The following ZNG1E variants were observed in gnomAD, a reference collection of about 807,000 sequenced individuals.
The protein encoded by ZNG1E is zinc-regulated GTPase metalloprotein activator 1E.
chr9:65,698,859 G>T, the ZNG1E span, among the ~76,000 whole-genome samples: 5 of 140,330 alleles, frequency 3.6e-5, no homozygotes, highest in South Asian at 1.1e-3. Context: ...ATTTCTTTGG[G>T]ATTGAAGATT....
chr9:65,725,559 T>A, the ZNG1E span, among the ~76,000 whole-genome samples: 1 of 124,584 alleles, frequency 8.0e-6, no homozygotes, highest in East Asian at 2.1e-4. Context: ...TGTAATGTCC[T>A]CAAGATTCAT....
the ZNG1E span, chr9:65,677,092 T>C: frequency 6.5e-7 from 1 of 1,528,842 alleles, no homozygotes; most frequent in South Asian, 1.2e-5. Flanking sequence ...CGGAAGTAAT[T>C]TTATAAAGGA....
the ZNG1E span, among the ~76,000 whole-genome samples, chr9:65,725,422 C>T: frequency 8.4e-4 from 110 of 131,140 alleles, no homozygotes; most frequent in Non-Finnish European, 1.1e-3. Context: ...TCCCAATTTT[C>T]GTCTCCCTCT....
the ZNG1E span, among the ~76,000 whole-genome samples, chr9:65,693,717 C>G: frequency 3.9e-4 from 59 of 151,578 alleles, no homozygotes; most frequent in East Asian, 0.01. Context: ...ACCACCATGC[C>G]CAGCTAATTT....
the ZNG1E span, among the ~76,000 whole-genome samples, chr9:65,721,380 T>C: frequency 6.9e-6 from 1 of 144,530 alleles, no homozygotes; most frequent in Non-Finnish European, 1.5e-5. Context: ...AAAAATTCGA[T>C]AACTCAGTAG....
At chr9:65,667,520 G>T in the ZNG1E span, among the ~76,000 whole-genome samples, 1 of 152,266 alleles carries the variant, frequency 6.6e-6, no homozygotes, top group Non-Finnish European at 1.5e-5. Context: ...TAAGAATAAA[G>T]TTTATTATTA....
chr9:65,704,552 T>A, the ZNG1E span: 1 of 784,160 alleles, frequency 1.3e-6, no homozygotes. Context: ...TATTGGGTCC[T>A]GAATCTTACA....
At chr9:65,663,142 C>T in the ZNG1E span, among the ~76,000 whole-genome samples, 1 of 152,264 alleles carries the variant, frequency 6.6e-6, no homozygotes, top group Non-Finnish European at 1.5e-5. Flanking sequence ...TATTATATTG[C>T]TTTTCTCTCC....
the ZNG1E span, among the ~76,000 whole-genome samples, chr9:65,709,309 TTTTTTTA>T: frequency 2.0e-5 from 3 of 151,408 alleles, no homozygotes; most frequent in Non-Finnish European, 2.9e-5. Flanking sequence ...CTTCACTTTA[TTTTTTTA>T]TTTTTTATTT....
At chr9:65,715,153 C>G in the ZNG1E span, among the ~76,000 whole-genome samples, 2 of 148,574 alleles carry the variant, frequency 1.3e-5, no homozygotes, top group African/African-American at 2.6e-5. Flanking sequence ...TGGGAGTGAC[C>G]CAATCTTCCA....
the ZNG1E span, chr9:65,719,245 A>G: frequency 7.1e-6 from 1 of 140,490 alleles, no homozygotes; most frequent in Non-Finnish European, 1.5e-5. Flanking sequence ...TTAATTTGAC[A>G]TTCTCCCTAC....
At chr9:65,703,945 AC>A in the ZNG1E span, 1 of 821,492 alleles carries the variant, frequency 1.2e-6, no homozygotes, top group Non-Finnish European at 1.4e-6. Context: ...CTACAACCAT[AC>A]ACCAAATGTG....
chr9:65,664,922 T>C, the ZNG1E span, among the ~76,000 whole-genome samples: 3 of 152,216 alleles, frequency 2.0e-5, no homozygotes, highest in African/African-American at 7.2e-5. Context: ...GCCATAGATA[T>C]ATGTGAAACT....
the ZNG1E span, among the ~76,000 whole-genome samples, chr9:65,663,074 G>A: frequency 6.6e-6 from 1 of 152,228 alleles, no homozygotes; most frequent in African/African-American, 2.4e-5. Flanking sequence ...TAGGGCAAAG[G>A]CCTGTGAACC....
chr9:65,659,284 C>T, the ZNG1E span, among the ~76,000 whole-genome samples: 1 of 151,164 alleles, frequency 6.6e-6, no homozygotes, highest in Admixed American at 6.6e-5. Context: ...ATCACCAGGT[C>T]AGGTGTTCAA....
chr9:65,679,131 T>C, the ZNG1E span: 1 of 351,396 alleles, frequency 2.8e-6, no homozygotes, highest in Non-Finnish European at 4.7e-6. Context: ...AAAATTATTT[T>C]GAATTTTTTT....
At chr9:65,659,109 T>G in the ZNG1E span, among the ~76,000 whole-genome samples, 1 of 152,240 alleles carries the variant, frequency 6.6e-6, no homozygotes, top group Non-Finnish European at 1.5e-5. Context: ...AGACAGGAAG[T>G]ACTCATACCC....
chr9:65,663,979 A>T, the ZNG1E span, among the ~76,000 whole-genome samples: 1 of 149,494 alleles, frequency 6.7e-6, no homozygotes, highest in African/African-American at 2.4e-5. Flanking sequence ...ATATATGTAT[A>T]GCATATATAT....
chr9:65,666,888 T>A, the ZNG1E span, among the ~76,000 whole-genome samples: 15 of 152,370 alleles, frequency 9.8e-5, no homozygotes, highest in African/African-American at 3.6e-4. Flanking sequence ...TGGCACGATC[T>A]TGGCTCACTG....
Sources: allele counts gnomAD v4.1 joint callset (sites outside exome capture counted in the v4.1 genomes callset), GRCh38; gene constraint gnomAD v4.1.1; transcripts MANE v1.5; gene names NCBI Gene and HGNC (gene_info 2026-07-23, HGNC 2026-07-21).